Variants in AOX1 observed in about 807,000 individuals in gnomAD.
The protein encoded by AOX1 is aldehyde oxidase.
In AOX1, 153 loss-of-function variants were observed where a neutral mutation model predicts 169.5. That is an observed-to-expected ratio of 0.90 (90% CI 0.79 to 1.03). The LOEUF is 1.03. AOX1 is among the 50% of genes least tolerant of loss of function. The pLI, the probability that AOX1 is intolerant of heterozygous loss-of-function variation, is 0.00. For synonymous variants in AOX1, 562 were observed against 581.9 expected (o/e 0.97, Z 0.49); for missense variants, 1,656 against 1,663.9 (o/e 1.00, Z 0.08).
intron 19 of AOX1, among the ~76,000 whole-genome samples, chr2:200,625,425 T>TC (rs1478292607): frequency 2.0e-5 from 3 of 151,868 alleles, no homozygotes; most frequent in Non-Finnish European, 2.9e-5. Flanking sequence ...TAGATGCCAC[T>TC]CCCCCCACCC....
intron 25 of AOX1, among the ~76,000 whole-genome samples, chr2:200,644,899 T>C (rs2035419480): frequency 6.6e-6 from 1 of 152,204 alleles, no homozygotes; most frequent in Non-Finnish European, 1.5e-5. Context: ...TAGTCTTGTA[T>C]CCGGAAACTT....
intron 4 of AOX1, chr2:200,676,758 A>C: frequency 2.8e-6 from 1 of 352,718 alleles, no homozygotes; most frequent in Non-Finnish European, 5.8e-6. Context: ...TAACAGAGCA[A>C]GGCGGGGAGA....
chr2:200,635,619 A>G (rs140797939), intron 21 of AOX1, among the ~76,000 whole-genome samples: 1 of 152,134 alleles, frequency 6.6e-6, no homozygotes, highest in East Asian at 1.9e-4. Flanking sequence ...AGATCAAATG[A>G]CACCCATTCA....
chr2:200,595,160 A>T, intron 2 of AOX1, 112 bp from the exon 3 acceptor site: 1 of 592,248 alleles, frequency 1.7e-6, no homozygotes, highest in Non-Finnish European at 2.9e-6. Context: ...ATGAATATGT[A>T]TTGAACTTAA....
intron 4 of AOX1, 60 bp from the exon 5 acceptor site, chr2:200,599,560 A>T: frequency 1.6e-4 from 199 of 1,241,068 alleles, no homozygotes; most frequent in Non-Finnish European, 1.9e-4. Flanking sequence ...GCAGGCTCTA[A>T]TTCATTAGGC....
chr2:200,604,901 C>CGGGGGGGGGCTGGGGTGGGGGCG, intron 9 of AOX1, 61 bp downstream of exon 9: 1 of 613,226 alleles, frequency 1.6e-6, no homozygotes, highest in Non-Finnish European at 3.0e-6. Flanking sequence ...GGGATGGGGC[C>CGGGGGGGGGCTGGGGTGGGGGCG]GGGGTGGGCT....
chr2:200,589,346 A>C (rs574527885), intron 1 of AOX1, among the ~76,000 whole-genome samples: 1 of 152,168 alleles, frequency 6.6e-6, no homozygotes, highest in African/African-American at 2.4e-5. Context: ...AAATTCTGCC[A>C]TAGATGCCAC....
rs115635677 is a variant in AOX1 at position 200,605,480 on chromosome 2, G to T, written c.815-56G>T. The T allele has an allele frequency of 7.1e-4, 542 of 766,066 alleles. 4 individuals carry two copies. In the African/African-American group the frequency reaches 9.1e-3, roughly 13 times the overall value. The allele number at this position is 766,066 out of a possible 1,614,324, so 47.5% of individuals were successfully genotyped here. A position where few individuals can be genotyped will look rare whatever the true frequency, so the allele number is the denominator to read the frequency against. ...TTAATAATAATTTCAAATTTAAAAG[G>T]CAGTTAGTTCCTTTATTCTAGTCTT... On this transcript the variant is annotated intron_variant, in intron 9 of 34. Coordinates refer to ENST00000374700, the MANE Select transcript of AOX1 (RefSeq NM_001159.4).
chr2:200,598,912 G>A (rs2034345238), intron 4 of AOX1, among the ~76,000 whole-genome samples: 1 of 152,178 alleles, frequency 6.6e-6, no homozygotes, highest in African/African-American at 2.4e-5. Context: ...ATTACCCAGA[G>A]GGAGAGAATT....
At chr2:200,628,111 A>G (rs2035043267) in intron 20 of AOX1, among the ~76,000 whole-genome samples, 2 of 152,148 alleles carry the variant, frequency 1.3e-5, no homozygotes, top group Non-Finnish European at 2.9e-5. Context: ...ATATTTTAAA[A>G]CTTACATAAA....
intron 22 of AOX1, among the ~76,000 whole-genome samples, chr2:200,637,349 T>A (rs17533245): frequency 0.12 from 18,605 of 152,182 alleles, 1,286 homozygotes; most frequent in Non-Finnish European, 0.16. Flanking sequence ...GAGCTATATA[T>A]GTAGAGGTCA....
At chr2:200,636,237 T>C (rs2035229711) in intron 21 of AOX1, among the ~76,000 whole-genome samples, 1 of 147,684 alleles carries the variant, frequency 6.8e-6, no homozygotes, top group African/African-American at 2.5e-5. Context: ...CAAGCGATTC[T>C]CCGGCCTCAG....
chr2:200,651,745 G>A lies in AOX1; in HGVS notation c.3075+544G>A, dbSNP rs570102983. Among the ~76,000 whole-genome samples, 17 of 152,272 alleles carry A rather than the reference G, an allele frequency of 1.1e-4. 1 individual carries two copies. The South Asian group carries it at 3.5e-3, about 32-fold the overall frequency. ...TACCTTTTAAAACTGTGAAAGGGGG[G>A]ACTGGGAATCTGCTCTTGCAGTTTA... On this transcript the variant is annotated intron_variant, in intron 26 of 34. Transcript: ENST00000374700.
intron 6 of AOX1, 86 bp downstream of exon 6, chr2:200,602,431 TCTTA>T: frequency 8.6e-7 from 1 of 1,168,978 alleles, no homozygotes; most frequent in East Asian, 2.4e-5. Flanking sequence ...GGGGCAGCCA[TCTTA>T]CTAATACATG....
chr2:200,621,068 G>A (rs1559242074), intron 17 of AOX1, 52 bp from the exon 18 acceptor site: 4 of 1,565,072 alleles, frequency 2.6e-6, no homozygotes, highest in Non-Finnish European at 3.5e-6. Flanking sequence ...AATTAACCAT[G>A]TTCTTGGCCT....
chr2:200,627,372 C>A lies in AOX1; in HGVS notation c.2144C>A (p.Ser715Tyr), dbSNP rs1396151874. ...TTCTAGGAAAGTATACAACACAACT[C>A]CTCCTTCAAGCCAGAAAGGAAACTG... Reference protein sequence around the residue: ...LTIEESIQHNSSFKPERKLEY... With the variant: ...LTIEESIQHNYSFKPERKLEY... Residue 715 changes from serine to tyrosine, a missense_variant, in exon 20 of 35, where the codon TCC (serine) becomes TAC (tyrosine). Ser to Tyr is a moderately radical substitution (Grantham distance 144). Transcript: ENST00000374700. 6.2e-7 allele frequency: 1 copy of A among 1,613,522 alleles called. No individual in the cohort carries two copies. Among genetic ancestry groups the A allele is most frequent in the East Asian group, 2.2e-5 (1 of 44,876 alleles).
intron 16 of AOX1, 87 bp downstream of exon 16, chr2:200,616,150 C>T (rs372282115): frequency 3.1e-6 from 3 of 965,088 alleles, no homozygotes; most frequent in Middle Eastern, 2.1e-4. Flanking sequence ...CCGTGAAACT[C>T]AAGCTCTGTA....
chr2:200,635,808 A>G (rs1362124538), intron 21 of AOX1, among the ~76,000 whole-genome samples: 1 of 152,164 alleles, frequency 6.6e-6, no homozygotes, highest in Non-Finnish European at 1.5e-5. Flanking sequence ...GGGGGTCTTG[A>G]TTCTGGTCAT....
intron 21 of AOX1, among the ~76,000 whole-genome samples, chr2:200,636,397 G>A (rs2035234398): frequency 6.6e-6 from 1 of 152,048 alleles, no homozygotes; most frequent in East Asian, 1.9e-4. Context: ...CCAAAGTGCT[G>A]GGATTACAGG....
Sources: gnomAD v4.1 joint callset for allele counts (sites outside exome capture counted in the v4.1 genomes callset) on GRCh38, gnomAD v4.1.1 for gene constraint, MANE v1.5 for transcripts, NCBI Gene and HGNC (gene_info 2026-07-23, HGNC 2026-07-21) for gene names.